Variants in RGS3 observed in about 807,000 individuals in gnomAD.
RGS3 encodes regulator of G protein signaling 3.
In RGS3, 80 loss-of-function variants were observed where a neutral mutation model predicts 132.6. That is an observed-to-expected ratio of 0.60 (90% CI 0.50 to 0.73). The LOEUF is 0.73. Ranked by LOEUF, RGS3 falls within the 30% of genes least tolerant of loss-of-function variation. The pLI is 0.00. For missense variants in RGS3, 1,382 were observed against 1,530.8 expected, an observed-to-expected ratio of 0.90 and a Z score of 1.62; for synonymous variants, 598 against 620.6, an observed-to-expected ratio of 0.96 and a Z score of 0.54.
At chr9:113,519,317 T>C (rs531220810) in intron 16 of RGS3, among the ~76,000 whole-genome samples, 6 of 152,204 alleles carry the variant, frequency 3.9e-5, no homozygotes, top group African/African-American at 1.4e-4. Context: ...CTTGTGACAG[T>C]TGCAATTCGT....
At chr9:113,563,359 A>G (rs564735604) in intron 19 of RGS3, among the ~76,000 whole-genome samples, 1 of 152,292 alleles carries the variant, frequency 6.6e-6, no homozygotes, top group Admixed American at 6.5e-5. Context: ...CACAGAGTCT[A>G]TGCTCTGTAA....
rs142716915 is a variant in RGS3 at position 113,522,932 on chromosome 9, G to A, written c.1761G>A (p.Val587=). Residue 587 remains valine, a splice_region_variant and synonymous_variant, in exon 17 of 25, where the codon GTG becomes GTA. Coordinates refer to ENST00000350696, the Ensembl canonical transcript of RGS3. ...CTGTTTGCTCTCTGTCAACCCAGGT[G>A]ACACTGTTTGCCTATTCGGACCTGC... is the stretch of plus-strand genomic sequence containing the variant. 73 of 1,609,638 alleles carry A rather than the reference G, an allele frequency of 4.5e-5. No homozygotes were observed. The African/African-American group carries it at 7.6e-4, about 17-fold the overall frequency.
At chr9:113,576,568 G>A (rs897438629) in intron 19 of RGS3, among the ~76,000 whole-genome samples, 2 of 152,162 alleles carry the variant, frequency 1.3e-5, no homozygotes, top group Non-Finnish European at 2.9e-5. Context: ...CTGACCTTGT[G>A]ATCTGCCCTT....
intron 20 of RGS3, among the ~76,000 whole-genome samples, chr9:113,584,760 C>T (rs1005745016): frequency 5.3e-5 from 8 of 152,246 alleles, no homozygotes; most frequent in Non-Finnish European, 1.0e-4. Context: ...AATAGAGTTA[C>T]AGCCTAGCCA....
In RGS3 at chr9:113,495,905, CAG is replaced by C. The variant is rs900473505; in HGVS notation, c.750+62_750+63del. ...CCAACTGGGCCGGGGCTGGTACAGG[CAG>C]AGTTTCTCTGTCAGCTCTTGGGCAG... On this transcript the variant is annotated intron_variant, in intron 8 of 24. Coordinates refer to ENST00000350696, the Ensembl canonical transcript of RGS3. 1.1e-4 allele frequency: 157 copies of C among 1,422,780 alleles called. 1 individual carries two copies. The highest frequency in any genetic ancestry group is 2.2e-4 in the South Asian group (19 of 87,466). The allele number at this position is 1,422,780 out of a possible 1,614,324, so 88.1% of individuals were successfully genotyped here. A position where few individuals can be genotyped will look rare whatever the true frequency, so the allele number is the denominator to read the frequency against.
At chr9:113,485,209 T>G (rs1054857017) in intron 6 of RGS3, among the ~76,000 whole-genome samples, 2 of 152,138 alleles carry the variant, frequency 1.3e-5, no homozygotes, top group Non-Finnish European at 2.9e-5. Flanking sequence ...TGCCTCAGCC[T>G]CTGGAGTAGC....
At chr9:113,492,678 G>A (rs570947583) in intron 7 of RGS3, among the ~76,000 whole-genome samples, 2 of 152,172 alleles carry the variant, frequency 1.3e-5, no homozygotes, top group East Asian at 3.8e-4. Flanking sequence ...GTGAGCGCTA[G>A]TTCCCAAGTT....
Position 113,565,411 on chromosome 9 carries a change from T to C in RGS3, c.2038-18039T>C, listed in dbSNP as rs1456677165. 1 of 1,275,680 alleles carries C rather than the reference T, an allele frequency of 7.8e-7. No homozygotes were observed. The highest frequency in any genetic ancestry group is 1.5e-5 in the African/African-American group (1 of 64,592). The allele number at this position is 1,275,680 out of a possible 1,614,324, so 79.0% of individuals were successfully genotyped here. The stretch of plus-strand genomic sequence containing the variant: ...GGAGGAGGAAGAGGAGGAGGACAAG[T>C]AGGAGGAGGAGGAAGAGGAGGAGGG... On this transcript the variant is annotated intron_variant, in intron 19 of 24. Transcript: ENST00000350696. The surrounding 1 kb of genome is among the most constrained non-coding windows in gnomAD (Gnocchi z 5.7).
intron 19 of RGS3, chr9:113,580,999 A>G (rs1208474739): frequency 1.3e-5 from 12 of 957,742 alleles, no homozygotes; most frequent in Non-Finnish European, 1.5e-5. Context: ...CCCAAGGACT[A>G]TCAGAGGCAG....
At chr9:113,532,596 G>C (rs1160077572) in intron 18 of RGS3, among the ~76,000 whole-genome samples, 1 of 152,220 alleles carries the variant, frequency 6.6e-6, no homozygotes, top group Non-Finnish European at 1.5e-5. Flanking sequence ...ATTCCCATGG[G>C]GCAGGGCAGC....
chr9:113,583,392 G>A, intron 19 of RGS3, 58 bp from the exon 18 acceptor site: 1 of 1,581,508 alleles, frequency 6.3e-7, no homozygotes, highest in Non-Finnish European at 8.6e-7. Context: ...CATGCATGGT[G>A]TCTGGCATCT....
At position 113,507,573 on chromosome 9, in the gene RGS3, T is replaced by G; in HGVS notation, c.1372T>G (p.Ser458Ala). The G allele has an allele frequency of 6.5e-7, 1 of 1,543,828 alleles. No homozygotes were observed. The highest frequency in any genetic ancestry group is 8.8e-7 in the Non-Finnish European group (1 of 1,141,664). Residue 458 changes from serine to alanine, a missense_variant, in exon 13 of 25, where the codon TCC becomes GCC. By Grantham distance (99) the Ser-to-Ala change is moderately conservative. Coordinates refer to ENST00000350696, the Ensembl canonical transcript of RGS3. The surrounding 1 kb of genome is among the most constrained non-coding windows in gnomAD (Gnocchi z 5.0). The stretch of plus-strand genomic sequence containing the variant: ...GGGCCAGCACACCCTGCCTGCACTG[T>G]CCCGTGCCACTGCCCCCACCGACCC...
At chr9:113,497,277 C>T (rs1564487105) in intron 8 of RGS3, 37 bp from the exon 7 acceptor site, 1 of 1,546,762 alleles carries the variant, frequency 6.5e-7, no homozygotes, top group Non-Finnish European at 8.9e-7. Context: ...GCTTCTGCCT[C>T]CTGTGTCTGA....
At chr9:113,553,607 C>T (rs963816148) in intron 19 of RGS3, among the ~76,000 whole-genome samples, 5 of 149,286 alleles carry the variant, frequency 3.3e-5, no homozygotes, top group Non-Finnish European at 4.4e-5. Flanking sequence ...TTTGGGAGGC[C>T]GAGGTGGGCA....
chr9:113,461,923 T>C lies in RGS3; in HGVS notation c.234+63T>C, dbSNP rs1032395689. ...CTGTGGGCCTTCCTTTGCTGTTTCC[T>C]GAACACCATGCTTTCTAGTTCCTAC... On this transcript the variant is annotated intron_variant, in intron 2 of 24. Coordinates refer to ENST00000350696, the Ensembl canonical transcript of RGS3. 3.8e-6 allele frequency: 6 copies of C among 1,594,078 alleles called. No homozygotes were observed. The African/African-American group carries it at 8.0e-5, about 21-fold the overall frequency.
In RGS3 at chr9:113,565,362, T is replaced by A; in HGVS notation, c.2038-18088T>A. Reference sequence around the variant, plus strand: ...AGTGGCGGTGGCCGGCTAGACAGGGTGTGTGTTTGGGAAAGGCGCTGGAGG... The same window carrying A: ...AGTGGCGGTGGCCGGCTAGACAGGGAGTGTGTTTGGGAAAGGCGCTGGAGG... On this transcript the variant is annotated intron_variant, in intron 19 of 24. Coordinates refer to ENST00000350696, the Ensembl canonical transcript of RGS3. This position sits in a 1 kb window ranked among gnomAD's most constrained non-coding sequence, Gnocchi z 5.7. 1 of 1,285,656 alleles carries A rather than the reference T, an allele frequency of 7.8e-7. No individual in the cohort carries two copies. The highest frequency in any genetic ancestry group is 2.3e-5 in the Admixed American group (1 of 43,156). 79.6% of individuals were successfully genotyped at this position (1,285,656 alleles called of 1,614,324 possible).
chr9:113,501,447 T>A, intron 10 of RGS3: 1 of 1,487,412 alleles, frequency 6.7e-7, no homozygotes, highest in Non-Finnish European at 9.0e-7. Context: ...GAGAGGTGAT[T>A]TCCTGCCATT....
In RGS3 at chr9:113,565,559, T is replaced by A. The variant is rs1302136316; in HGVS notation, c.2038-17891T>A. 3.2e-6 allele frequency: 1 copy of A among 311,100 alleles called. No homozygotes were observed. Among genetic ancestry groups the A allele is most frequent in the Non-Finnish European group, 6.1e-6 (1 of 163,990 alleles). 19.3% of individuals were successfully genotyped at this position (311,100 alleles called of 1,614,324 possible). The stretch of plus-strand genomic sequence containing the variant: ...GAACTTGGGTAAGTCCATAAATAGC[T>A]CTGCTGACACAAAGGAGCTCTGTCT... On this transcript the variant is annotated intron_variant, in intron 19 of 24. Coordinates refer to ENST00000350696, the Ensembl canonical transcript of RGS3. This position sits in a 1 kb window ranked among gnomAD's most constrained non-coding sequence, Gnocchi z 5.7.
chr9:113,508,887 A>G (rs1455145093), intron 14 of RGS3, among the ~76,000 whole-genome samples: 2 of 152,108 alleles, frequency 1.3e-5, no homozygotes, highest in African/African-American at 2.4e-5. Flanking sequence ...ACCGATATAT[A>G]TTAGGTGCCA....
Sources: gnomAD v4.1 joint callset for allele counts (sites outside exome capture counted in the v4.1 genomes callset) on GRCh38, gnomAD v4.1.1 for gene constraint, Gnocchi (gnomAD v3.1) non-coding constraint, MANE v1.5 for transcripts, NCBI Gene and HGNC (gene_info 2026-07-23, HGNC 2026-07-21) for gene names.